ARVCF: variants seen among roughly 807,000 people sequenced by gnomAD.
ARVCF encodes ARVCF delta catenin family member.
In ARVCF, 66 loss-of-function variants were observed where a neutral mutation model predicts 90.9. That is an observed-to-expected ratio of 0.73 (90% CI 0.60 to 0.89). The LOEUF is 0.89. Ranked by LOEUF, ARVCF falls within the 40% of genes least tolerant of loss-of-function variation. The pLI is 0.00. For missense variants in ARVCF, 1,469 were observed against 1,382.3 expected (o/e 1.06, Z -1.00); for synonymous variants, 653 against 603.4 (o/e 1.08, Z -1.21).
rs577255955 is a variant in ARVCF, at chr22:19,977,929, G to C, written c.1698+29C>G. 29 of 1,571,402 alleles carry C rather than the reference G, an allele frequency of 1.8e-5. No individual in the cohort carries two copies. The East Asian group carries it at 6.1e-4, about 33-fold the overall frequency. The stretch of plus-strand genomic sequence containing the variant: ...CTGCATGATCGTCTCTCCAGCCCTT[G>C]GTATGAGGCTGTGACCGTCCCTGCC... On this transcript the variant is annotated intron_variant, in intron 8 of 19. Coordinates refer to ENST00000263207, the MANE Select transcript of ARVCF (RefSeq NM_001670.3).
intron 3 of ARVCF, among the ~76,000 whole-genome samples, chr22:19,984,545 G>A (rs979575080): frequency 1.3e-5 from 2 of 152,126 alleles, no homozygotes; most frequent in African/African-American, 4.8e-5. Flanking sequence ...GGAAAGCCCG[G>A]CCCCTGCTAC....
intron 7 of ARVCF, 90 bp from the exon 8 acceptor site, chr22:19,978,165 A>C: frequency 8.6e-7 from 1 of 1,168,986 alleles, no homozygotes; most frequent in South Asian, 1.5e-5. Context: ...TCATCTGCAA[A>C]ATAGGCCCTG....
In ARVCF at chr22:19,981,666, G is replaced by T. The variant is rs370945295; in HGVS notation, c.441C>A (p.Pro147=). 1 of 1,608,050 alleles carries T rather than the reference G, an allele frequency of 6.2e-7. No individual in the cohort carries two copies. ...CTAGTGGGGGGCCGCCATCCAGCAG[G>T]GGGAGTCCATCTGGGCCCACGGGCA... ...RQVPVGPDGL[P]LLDGGPPLGP... is the part of the protein sequence containing the mutation. Residue 147 remains proline (P), a synonymous_variant, in exon 5 of 20, where the codon CCC becomes CCA. Coordinates refer to ENST00000263207, the MANE Select transcript of ARVCF (RefSeq NM_001670.3).
chr22:19,965,867 G>A (rs9332368), downstream of ARVCF, among the ~76,000 whole-genome samples: 1,485 of 152,190 alleles, frequency 9.8e-3, 24 homozygotes, highest in African/African-American at 0.034. Context: ...TAGCTGGAGG[G>A]GGGCTCACCC....
At position 19,977,916 on chromosome 22, in the gene ARVCF, C is replaced by T. The variant is rs375214531; in HGVS notation, c.1698+42G>A. ...AGCCTCCTGGGACCTGCATGATCGT[C>T]TCTCCAGCCCTTGGTATGAGGCTGT... On this transcript the variant is annotated intron_variant, in intron 8 of 19. Transcript: ENST00000263207. 36 of 1,551,104 alleles carry T rather than the reference C, an allele frequency of 2.3e-5. No homozygotes were observed. The African/African-American group carries it at 2.9e-4, about 12-fold the overall frequency.
rs755882688 is a variant in ARVCF at position 19,973,689 on chromosome 22, G to A, written c.2193C>T (p.Ile731=). ...ETDKVVRAVA[I]ALRNLSLDRR... ...GGTCCAGCGAGAGGTTGCGCAGAGC[G>A]ATGGCGACGGCGCGCACCACCTTGT... Residue 731 remains isoleucine, a synonymous_variant, in exon 13 of 20, where the codon ATC becomes ATT. Transcript: ENST00000263207. 2 of 1,610,456 alleles carry A rather than the reference G, an allele frequency of 1.2e-6. No individual in the cohort carries two copies. Among genetic ancestry groups the A allele is most frequent in the Non-Finnish European group, 1.7e-6 (2 of 1,179,864 alleles).
At chr22:19,973,990 G>A in intron 12 of ARVCF, 122 bp downstream of exon 12, 2 of 1,504,948 alleles carry the variant, frequency 1.3e-6, no homozygotes, top group Non-Finnish European at 1.8e-6. Context: ...TACACCTCTT[G>A]GATCCTGGGG....
At chr22:19,971,820 G>T in intron 18 of ARVCF, 66 bp downstream of exon 18, 1 of 1,555,280 alleles carries the variant, frequency 6.4e-7, no homozygotes, top group Non-Finnish European at 8.9e-7. Flanking sequence ...GGCCTAGGCT[G>T]CTCTCCAGCA....
chr22:20,006,207 A>C (rs1185617196), intron 2 of ARVCF, among the ~76,000 whole-genome samples: 2 of 152,222 alleles, frequency 1.3e-5, no homozygotes, highest in East Asian at 3.8e-4. Context: ...AACACTACTG[A>C]ATTGTACACT....
chr22:20,004,207 A>G (rs1944539610), intron 2 of ARVCF, among the ~76,000 whole-genome samples: 1 of 152,204 alleles, frequency 6.6e-6, no homozygotes, highest in African/African-American at 2.4e-5. Flanking sequence ...CATTACCAAG[A>G]AAAATTTAAA....
At chr22:19,981,137 G>C (rs1295806753) in intron 5 of ARVCF, 74 bp downstream of exon 5, 1 of 1,444,290 alleles carries the variant, frequency 6.9e-7, no homozygotes, top group Non-Finnish European at 9.2e-7. Flanking sequence ...TTGACAAGTG[G>C]GGCACTCTGT....
intron 11 of ARVCF, among the ~76,000 whole-genome samples, chr22:19,975,199 C>A (rs1231388270): frequency 6.6e-6 from 1 of 152,216 alleles, no homozygotes; most frequent in Non-Finnish European, 1.5e-5. Context: ...ACTGGCTAGG[C>A]CCCACCAGGA....
chr22:19,998,596 C>T (rs1162079705), intron 2 of ARVCF, among the ~76,000 whole-genome samples: 1 of 152,192 alleles, frequency 6.6e-6, no homozygotes, highest in Non-Finnish European at 1.5e-5. Flanking sequence ...AGAAGCCTCT[C>T]TGCAGGAGCT....
In ARVCF at chr22:19,978,033, C is replaced by T. The variant is rs1021883635; in HGVS notation, c.1623G>A (p.Arg541=). The change falls in exon 8 of 20, where the codon CGG becomes CGA. Residue 541 remains arginine (R), a synonymous_variant. Transcript: ENST00000263207. ...SDGAEARRRL[R]ECEGLVDALL... ...GCGCGTCCACCAGCCCTTCACACTC[C>T]CGGAGTCGCCGCCGGGCCTCAGCAC... 3 of 1,611,624 alleles carry T rather than the reference C, an allele frequency of 1.9e-6. No individual in the cohort carries two copies. The highest frequency in any genetic ancestry group is 2.7e-5 in the African/African-American group (2 of 74,908).
chr22:20,013,671 G>A (rs1385935414), intron 1 of ARVCF, among the ~76,000 whole-genome samples: 2 of 152,258 alleles, frequency 1.3e-5, no homozygotes, highest in South Asian at 2.1e-4. Context: ...AGTGGGAAGG[G>A]CCTGTGCATA....
chr22:19,992,115 G>C lies in ARVCF; in HGVS notation c.-18-1303C>G, dbSNP rs1944051534. ...GCCAGCAACACGGTGCGGGGACATG[G>C]GTGCACCTCATAGGTGAAGAGACAC... On this transcript the variant is annotated intron_variant, in intron 2 of 19. Coordinates refer to ENST00000263207, the MANE Select transcript of ARVCF (RefSeq NM_001670.3). Among the ~76,000 whole-genome samples the C allele has an allele frequency of 2.0e-5, 3 of 152,182 alleles. 1 individual carries two copies. The highest frequency in any genetic ancestry group is 4.1e-4 in the South Asian group (2 of 4,828).
In ARVCF at chr22:19,970,678, C is replaced by CCCT. The variant is rs1942706263; in HGVS notation, c.*77_*78insAGG. 1 of 1,286,440 alleles carries CCCT rather than the reference C, an allele frequency of 7.8e-7. No homozygotes were observed. The highest frequency in any genetic ancestry group is 1.5e-5 in the African/African-American group (1 of 65,388). 79.7% of individuals were successfully genotyped at this position (1,286,440 alleles called of 1,614,324 possible). ...CCAGGGGGCTCCAAGCTCCACGGCA[C>CCCT]GATCTGCTCAGGGTGGCCCTTCTTC... On this transcript the variant is annotated 3_prime_UTR_variant, in exon 20 of 20. Transcript: ENST00000263207.
In ARVCF at chr22:19,970,735, G is replaced by A; in HGVS notation, c.*21C>T. The A allele has an allele frequency of 7.8e-7, 1 of 1,285,614 alleles. No homozygotes were observed. Among genetic ancestry groups the A allele is most frequent in the Non-Finnish European group, 1.0e-6 (1 of 987,572 alleles). 79.6% of individuals were successfully genotyped at this position (1,285,614 alleles called of 1,614,324 possible). On this transcript the variant is annotated 3_prime_UTR_variant, in exon 20 of 20. Coordinates refer to ENST00000263207, the MANE Select transcript of ARVCF (RefSeq NM_001670.3). ...CCAAGCCCTAAGAACAAGAGGCTGG[G>A]CCTGGGCCCTGCAGAGGGAAAGGGG...
chr22:19,966,312 G>A (rs1180701972), downstream of ARVCF, among the ~76,000 whole-genome samples: 5 of 152,030 alleles, frequency 3.3e-5, no homozygotes, highest in Non-Finnish European at 7.4e-5. Context: ...AGGCACGAGG[G>A]GTGAGGGGCT....
Sources: allele counts gnomAD v4.1 joint callset (sites outside exome capture counted in the v4.1 genomes callset), GRCh38; gene constraint gnomAD v4.1.1; transcripts MANE v1.5; gene names NCBI Gene and HGNC (gene_info 2026-07-23, HGNC 2026-07-21).